The following TF variants were observed in gnomAD, a reference collection of about 807,000 sequenced individuals.
The protein encoded by TF is serotransferrin.
Under a neutral mutation model 82.4 loss-of-function variants are expected in TF, and 55 were observed. The observed-to-expected ratio is 0.67, with a 90% confidence interval of 0.54 to 0.84. The LOEUF is 0.84. Among genes scored for constraint, TF ranks in the 40% least tolerant of loss-of-function variants. The pLI is 0.00. For missense variants in TF, 737 were observed against 868.4 expected, an observed-to-expected ratio of 0.85 and a Z score of 1.90; for synonymous variants, 332 against 332.6, an observed-to-expected ratio of 1.00 and a Z score of 0.02.
At chr3:133,664,917 G>A in the TF span, 1 of 152,090 alleles carries the variant, frequency 6.6e-6, no homozygotes, top group Non-Finnish European at 1.5e-5. Context: ...CTCGGAAGCT[G>A]AGGTTTCGGT....
At chr3:133,694,623 G>A in the TF span, among the ~76,000 whole-genome samples, 1 of 152,158 alleles carries the variant, frequency 6.6e-6, no homozygotes, top group South Asian at 2.1e-4. Flanking sequence ...TCATGTCTAG[G>A]ACTCTGAGAT....
intron 7 of TF, among the ~76,000 whole-genome samples, chr3:133,757,395 G>T (rs192875839): frequency 6.6e-6 from 1 of 152,182 alleles, no homozygotes; most frequent in Non-Finnish European, 1.5e-5. Context: ...CCTGCACAGC[G>T]GCTTTACTTC....
Position 133,795,570 on chromosome 3 carries a change from A to ATTTTTTTTTTT in TF, c.*16963_*16973dup, listed in dbSNP as rs745790067. The ATTTTTTTTTTT allele has an allele frequency of 1.0e-5, 1 of 98,320 alleles. No homozygotes were observed. Among genetic ancestry groups the ATTTTTTTTTTT allele is most frequent in the Non-Finnish European group, 1.9e-5 (1 of 52,274 alleles). The allele number at this position is 98,320 out of a possible 1,614,324, so 6.1% of individuals were successfully genotyped here. On this transcript the variant is annotated 3_prime_UTR_variant, in exon 17 of 17. Transcript: ENST00000402696. ...GTGAGAACCTGACCAAAAAAGTGGA[A>ATTTTTTTTTTT]TTTTTTTTTTTTTTTTTTTTTTTGA...
Position 133,759,471 on chromosome 3 carries a change from C to T in TF, c.1203+142C>T. On this transcript the variant is annotated intron_variant, in intron 9 of 16. Transcript: ENST00000402696. Reference sequence around the variant, plus strand: ...TGCCCTGACTATGTGAGCACAGCCCCACCGGAGGTTCAGAATCTTTGAGCT... The same window carrying T: ...TGCCCTGACTATGTGAGCACAGCCCTACCGGAGGTTCAGAATCTTTGAGCT... 5.0e-6 allele frequency: 5 copies of T among 1,007,408 alleles called. No homozygotes were observed. The East Asian group carries it at 1.2e-4, about 25-fold the overall frequency. The allele number at this position is 1,007,408 out of a possible 1,614,324, so 62.4% of individuals were successfully genotyped here.
the TF span, chr3:133,692,658 T>C: frequency 6.6e-6 from 1 of 152,242 alleles, no homozygotes; most frequent in Admixed American, 6.5e-5. Context: ...TCTACCCACT[T>C]GCAGGGGGGT....
the TF span, among the ~76,000 whole-genome samples, chr3:133,740,197 G>A: frequency 6.6e-6 from 1 of 152,074 alleles, no homozygotes; most frequent in East Asian, 1.9e-4. Context: ...TGTGGATGAA[G>A]GTGAAAACCA....
rs780953574 is a variant in TF, at chr3:133,764,255, T to C, written c.1277T>C (p.Val426Ala). ...YIAGKCGLVP[V>A]LAENYNKSDN... ...GCGGGCAAGTGTGGTCTGGTGCCTG[T>C]CTTGGCAGAAAACTACAATAGTAAG... Residue 426 changes from valine (V) to alanine (A), a missense_variant, in exon 10 of 17, where the codon GTC becomes GCC. Physicochemically the swap from Val to Ala is moderately conservative, Grantham distance 64. Transcript: ENST00000402696. 31 of 1,613,948 alleles carry C rather than the reference T, an allele frequency of 1.9e-5. No homozygotes were observed. Among genetic ancestry groups the C allele is most frequent in the Non-Finnish European group, 2.6e-5 (31 of 1,179,836 alleles).
chr3:133,731,963 A>G, the TF span, among the ~76,000 whole-genome samples: 1 of 152,182 alleles, frequency 6.6e-6, no homozygotes, highest in Non-Finnish European at 1.5e-5. Context: ...ACAGAGAAAA[A>G]GTCCTGCTAG....
rs1183477868 is a variant in TF at position 133,753,703 on chromosome 3, G to T, written c.325G>T (p.Asp109Tyr). The change falls in exon 3 of 17, where the codon GAT becomes TAT. Residue 109 changes from aspartate (D) to tyrosine (Y), a missense_variant and splice_region_variant. Physicochemically the swap from Asp to Tyr is radical, Grantham distance 160. Transcript: ENST00000402696. Reference protein sequence around the residue: ...VVAEFYGSKEDPQTFYYAVAV... With the variant: ...VVAEFYGSKEYPQTFYYAVAV... ...GGCAGAGTTCTATGGGTCAAAAGAGGGTAAGTTCTCCCTGGGACCCCAGGA... is the reference window on the plus strand; with the variant it reads ...GGCAGAGTTCTATGGGTCAAAAGAGTGTAAGTTCTCCCTGGGACCCCAGGA... 9.9e-6 allele frequency: 16 copies of T among 1,612,714 alleles called. No individual in the cohort carries two copies. Among genetic ancestry groups the T allele is most frequent in the Non-Finnish European group, 1.4e-5 (16 of 1,178,682 alleles).
At chr3:133,715,285 T>C in the TF span, among the ~76,000 whole-genome samples, 1 of 152,122 alleles carries the variant, frequency 6.6e-6, no homozygotes, top group African/African-American at 2.4e-5. Flanking sequence ...CTATTTCTCC[T>C]AAGAAAAGAA....
chr3:133,769,377 ACC>A (rs1222653465), intron 13 of TF, among the ~76,000 whole-genome samples: 2 of 152,172 alleles, frequency 1.3e-5, no homozygotes, highest in African/African-American at 4.8e-5. Flanking sequence ...GCATTTTTGT[ACC>A]TTGTCTTTTT....
intron 14 of TF, among the ~76,000 whole-genome samples, chr3:133,772,600 C>A (rs1487938101): frequency 6.6e-6 from 1 of 152,142 alleles, no homozygotes; most frequent in Non-Finnish European, 1.5e-5. Context: ...GTCAACGTTC[C>A]CTCCTCTTCT....
the TF span, among the ~76,000 whole-genome samples, chr3:133,712,061 G>A: frequency 3.6e-4 from 54 of 152,036 alleles, no homozygotes; most frequent in African/African-American, 6.8e-4. Flanking sequence ...GGGCTGCAAG[G>A]GGCTCTTTTA....
chr3:133,763,083 G>A (rs1934034365), intron 9 of TF, among the ~76,000 whole-genome samples: 1 of 152,138 alleles, frequency 6.6e-6, no homozygotes, highest in African/African-American at 2.4e-5. Flanking sequence ...TGTATTGTCA[G>A]TATAAGGAGT....
At chr3:133,725,578 G>C in the TF span, among the ~76,000 whole-genome samples, 5 of 151,902 alleles carry the variant, frequency 3.3e-5, no homozygotes, top group East Asian at 5.8e-4. Flanking sequence ...GGGTTTTCTA[G>C]ATATACAATC....
chr3:133,752,948 A>C (rs1261761082), intron 2 of TF, among the ~76,000 whole-genome samples: 2 of 152,174 alleles, frequency 1.3e-5, no homozygotes, highest in African/African-American at 4.8e-5. Context: ...AAAGTGCCCA[A>C]TCCCTCAGCA....
At chr3:133,745,948 C>G (rs1314444979), upstream of TF, 5 of 190,918 alleles carry the variant, frequency 2.6e-5, no homozygotes, top group Non-Finnish European at 5.4e-5. Flanking sequence ...TGCATCCTCC[C>G]CCAAAAGGGG....
At chr3:133,694,533 G>C in the TF span, among the ~76,000 whole-genome samples, 1 of 152,210 alleles carries the variant, frequency 6.6e-6, no homozygotes, top group African/African-American at 2.4e-5. Context: ...GCACTCTTCT[G>C]TGTGGGAGCC....
the TF span, among the ~76,000 whole-genome samples, chr3:133,676,325 G>A: frequency 6.6e-6 from 1 of 152,198 alleles, no homozygotes. Flanking sequence ...TCTAGGCACA[G>A]GTGAGTTACA....
Sources: gnomAD v4.1 joint callset for allele counts (sites outside exome capture counted in the v4.1 genomes callset) on GRCh38, gnomAD v4.1.1 for gene constraint, MANE v1.5 for transcripts, NCBI Gene and HGNC (gene_info 2026-07-23, HGNC 2026-07-21) for gene names.